NRXN1: variants seen among roughly 807,000 people sequenced by gnomAD.
The protein encoded by NRXN1 is neurexin 1, also known as neurexin-1.
A neutral mutation model predicts 150.9 loss-of-function variants in NRXN1; 39 were observed. The observed-to-expected ratio is 0.26, with a 90% CI of 0.20 to 0.34. NRXN1 has a LOEUF of 0.34. NRXN1 is among the 10% of genes least tolerant of loss of function. The pLI is 1.00. For missense variants in NRXN1, 1,815 were observed against 1,949.9 expected (o/e 0.93, Z 1.30); for synonymous variants, 924 against 757.0 (o/e 1.22, Z -3.62).
intron 9 of NRXN1, among the ~76,000 whole-genome samples, chr2:50,551,622 A>C (rs1037291516): frequency 6.6e-6 from 1 of 152,158 alleles, no homozygotes; most frequent in Non-Finnish European, 1.5e-5. Context: ...AGATAGGTCT[A>C]AATTTAGTTA....
chr2:50,296,939 G>GT, intron 17 of NRXN1, among the ~76,000 whole-genome samples: 1 of 149,022 alleles, frequency 6.7e-6, no homozygotes, highest in African/African-American at 2.5e-5. Flanking sequence ...CTGGAGTGCA[G>GT]TGGCACAACC....
chr2:50,109,391 C>A (rs535182661), intron 18 of NRXN1, among the ~76,000 whole-genome samples: 1 of 151,942 alleles, frequency 6.6e-6, no homozygotes, highest in African/African-American at 2.4e-5. Context: ...TATTTTAATT[C>A]ATAATGGTTC....
intron 17 of NRXN1, among the ~76,000 whole-genome samples, chr2:50,246,527 A>G (rs1379217329): frequency 6.6e-6 from 1 of 152,058 alleles, no homozygotes; most frequent in Non-Finnish European, 1.5e-5. Context: ...TATCTGCTAT[A>G]CTTAAGTCAT....
intron 12 of NRXN1, among the ~76,000 whole-genome samples, chr2:50,525,636 C>T (rs1408561563): frequency 2.0e-5 from 3 of 152,212 alleles, no homozygotes; most frequent in Non-Finnish European, 4.4e-5. Flanking sequence ...TGTGTGCAGT[C>T]ACACTCTGTA....
At chr2:50,720,365 C>A (rs1696480265) in intron 5 of NRXN1, among the ~76,000 whole-genome samples, 1 of 152,092 alleles carries the variant, frequency 6.6e-6, no homozygotes, top group Non-Finnish European at 1.5e-5. Context: ...GCCACATTAA[C>A]AAAGGTCGCG....
chr2:50,564,446 C>T (rs902253916), intron 8 of NRXN1, among the ~76,000 whole-genome samples: 1 of 152,118 alleles, frequency 6.6e-6, no homozygotes, highest in Admixed American at 6.6e-5. Flanking sequence ...TCTCAAATTT[C>T]GTAATTTTAT....
intron 18 of NRXN1, among the ~76,000 whole-genome samples, chr2:50,196,152 G>A (rs751077779): frequency 1.7e-4 from 25 of 148,568 alleles, no homozygotes; most frequent in South Asian, 6.3e-4. Context: ...GTCTCAGGGT[G>A]TGTTGTTCCA....
intron 2 of NRXN1, among the ~76,000 whole-genome samples, chr2:51,010,353 T>C (rs183542180): frequency 6.6e-6 from 1 of 152,172 alleles, no homozygotes; most frequent in East Asian, 1.9e-4. Flanking sequence ...CTATTTTGCA[T>C]ATATGTGTAT....
Position 50,347,595 on chromosome 2 carries a change from G to A in NRXN1, c.3365-110625C>T. ...CGCCTGCTCCCGAGGCAATCTCCGCGTCCGCCGCCTCCTGACACTTACGCC... is the reference window on the plus strand; with the variant it reads ...CGCCTGCTCCCGAGGCAATCTCCGCATCCGCCGCCTCCTGACACTTACGCC... On this transcript the variant is annotated intron_variant, in intron 17 of 22. Coordinates refer to ENST00000401669, the MANE Select transcript of NRXN1 (RefSeq NM_001330078.2). This position sits in a 1 kb window ranked among gnomAD's most constrained non-coding sequence, Gnocchi z 4.9. 1 of 1,012,044 alleles carries A rather than the reference G, an allele frequency of 9.9e-7. No individual in the cohort carries two copies. The highest frequency in any genetic ancestry group is 1.2e-6 in the Non-Finnish European group (1 of 846,074). The allele number at this position is 1,012,044 out of a possible 1,614,324, so 62.7% of individuals were successfully genotyped here.
intron 5 of NRXN1, among the ~76,000 whole-genome samples, chr2:50,684,493 T>A (rs1342856582): frequency 2.0e-5 from 3 of 151,828 alleles, no homozygotes; most frequent in African/African-American, 7.3e-5. Flanking sequence ...CAGAGCAAGA[T>A]CCTGTCTCAA....
At chr2:49,973,231 C>G (rs1489056139) in intron 21 of NRXN1, among the ~76,000 whole-genome samples, 1 of 152,154 alleles carries the variant, frequency 6.6e-6, no homozygotes, top group Non-Finnish European at 1.5e-5. Flanking sequence ...TAAAATCTTA[C>G]TATTGTTGAA....
In NRXN1 at chr2:49,949,915, G is replaced by A. The variant is rs140868151; in HGVS notation, c.4129-6124C>T. On this transcript the variant is annotated intron_variant, in intron 21 of 22. Coordinates refer to ENST00000401669, the MANE Select transcript of NRXN1 (RefSeq NM_001330078.2). ...GCAAAGCTGCTTTGGAAGAGAGAGC[G>A]CTCTCAAGTGTGGTTTTCATGAATG... Among the ~76,000 whole-genome samples the A allele has an allele frequency of 3.2e-4, 49 of 151,692 alleles. 1 individual carries two copies. In the East Asian group the frequency reaches 8.5e-3, roughly 26 times the overall value.
At chr2:50,319,743 A>G (rs1400820102) in intron 17 of NRXN1, among the ~76,000 whole-genome samples, 1 of 151,972 alleles carries the variant, frequency 6.6e-6, no homozygotes, top group Admixed American at 6.6e-5. Flanking sequence ...CAAATAATGC[A>G]ACAAAGACCC....
intron 21 of NRXN1, among the ~76,000 whole-genome samples, chr2:50,001,307 A>G (rs1683882433): frequency 6.6e-6 from 1 of 152,188 alleles, no homozygotes. Context: ...AATAGTATTT[A>G]TAACTGCTTA....
chr2:50,432,701 C>T (rs2085077784), intron 17 of NRXN1, among the ~76,000 whole-genome samples: 1 of 152,128 alleles, frequency 6.6e-6, no homozygotes, highest in South Asian at 2.1e-4. Context: ...TTTCTAACTG[C>T]CTGGCAGGAG....
chr2:50,077,380 T>A (rs1697273497), intron 19 of NRXN1, among the ~76,000 whole-genome samples: 1 of 152,120 alleles, frequency 6.6e-6, no homozygotes, highest in Admixed American at 6.5e-5. Context: ...TCCATTTCCA[T>A]AAAGCACAGG....
intron 21 of NRXN1, among the ~76,000 whole-genome samples, chr2:49,995,530 C>T (rs1682790264): frequency 6.6e-6 from 1 of 151,876 alleles, no homozygotes; most frequent in Non-Finnish European, 1.5e-5. Flanking sequence ...GCCTCTAATC[C>T]CAGCACTTTG....
chr2:50,188,298 G>A (rs145185040), intron 18 of NRXN1, among the ~76,000 whole-genome samples: 2,875 of 152,214 alleles, frequency 0.019, 96 homozygotes, highest in African/African-American at 0.066. Context: ...AGTAAATGGT[G>A]TTGGGAAAAC....
At chr2:50,847,006 G>C (rs1177206335) in intron 5 of NRXN1, among the ~76,000 whole-genome samples, 1 of 152,118 alleles carries the variant, frequency 6.6e-6, no homozygotes, top group Non-Finnish European at 1.5e-5. Flanking sequence ...TAAACTGGGA[G>C]AAACTTAGTA....
Sources: gnomAD v4.1 joint callset for allele counts (sites outside exome capture counted in the v4.1 genomes callset) on GRCh38, gnomAD v4.1.1 for gene constraint, Gnocchi (gnomAD v3.1) non-coding constraint, MANE v1.5 for transcripts, NCBI Gene and HGNC (gene_info 2026-07-23, HGNC 2026-07-21) for gene names.